Variants in ANKRD27 observed in about 807,000 individuals in gnomAD.
The protein encoded by ANKRD27 is ankyrin repeat domain 27.
ANKRD27 carries 112 observed loss-of-function variants against 129.7 expected under a neutral mutation model. The observed-to-expected ratio is 0.86, with a 90% CI of 0.74 to 1.01. The LOEUF (loss-of-function observed/expected upper bound fraction) is 1.01. Among genes scored for constraint, ANKRD27 ranks in the 50% least tolerant of loss-of-function variants. The pLI, the probability that ANKRD27 is intolerant of heterozygous loss-of-function variation, is 0.00. For missense variants in ANKRD27, 1,258 were observed against 1,300.5 expected (o/e 0.97, Z 0.50); for synonymous variants, 516 against 511.2 (o/e 1.01, Z -0.13).
chr19:32,623,265 G>A (rs1330178761), intron 17 of ANKRD27, among the ~76,000 whole-genome samples: 1 of 152,170 alleles, frequency 6.6e-6, no homozygotes, highest in Non-Finnish European at 1.5e-5. Flanking sequence ...ATGGGTGCCT[G>A]GATGTGGGGA....
intron 1 of ANKRD27, among the ~76,000 whole-genome samples, chr19:32,660,807 C>A (rs894993978): frequency 3.3e-5 from 5 of 152,072 alleles, no homozygotes; most frequent in African/African-American, 1.2e-4. Flanking sequence ...AAATTTCTTT[C>A]GGTTATGTAA....
chr19:32,597,671 T>C lies in ANKRD27; in HGVS notation c.*474A>G, dbSNP rs79358435. The C allele has an allele frequency of 7.4e-4, 120 of 161,720 alleles. No homozygotes were observed. Among genetic ancestry groups the C allele is most frequent in the South Asian group, 2.8e-3 (16 of 5,818 alleles). 10.0% of individuals were successfully genotyped at this position (161,720 alleles called of 1,614,324 possible). ...AGCTGCTGCTTTCTTCCTTCAGATA[T>C]GACATTTCAGCCTGGCCTCTACAGT... is the stretch of plus-strand genomic sequence containing the variant. On this transcript the variant is annotated 3_prime_UTR_variant, in exon 29 of 29. Coordinates refer to ENST00000306065, the MANE Select transcript of ANKRD27 (RefSeq NM_032139.3).
chr19:32,607,555 C>T, intron 23 of ANKRD27, 80 bp downstream of exon 23: 11 of 1,512,088 alleles, frequency 7.3e-6, no homozygotes, highest in East Asian at 2.4e-5. Flanking sequence ...CCACCAAACC[C>T]CTGCAGCGTT....
Position 32,674,394 on chromosome 19 carries a change from A to G in ANKRD27, c.-31+677T>C, listed in dbSNP as rs1184744435. ...CGTCCCTTGCTCCCTCGCCCAGCACAGGCCGCGAGTGCCCACGTCCCCTGC... is the reference window on the plus strand; with the variant it reads ...CGTCCCTTGCTCCCTCGCCCAGCACGGGCCGCGAGTGCCCACGTCCCCTGC... On this transcript the variant is annotated intron_variant, in intron 1 of 28. Transcript: ENST00000306065. Among the ~76,000 whole-genome samples the G allele has an allele frequency of 2.0e-5, 3 of 152,206 alleles. No homozygotes were observed. The South Asian group carries it at 6.2e-4, about 32-fold the overall frequency.
intron 3 of ANKRD27, among the ~76,000 whole-genome samples, chr19:32,647,661 C>T (rs1967329039): frequency 6.6e-6 from 1 of 152,228 alleles, no homozygotes; most frequent in Non-Finnish European, 1.5e-5. Flanking sequence ...AGACACACTG[C>T]TGTTTTCCTG....
At chr19:32,605,634 G>A (rs892650532) in intron 24 of ANKRD27, among the ~76,000 whole-genome samples, 1 of 152,198 alleles carries the variant, frequency 6.6e-6, no homozygotes, top group Admixed American at 6.5e-5. Flanking sequence ...CCTTGAGACC[G>A]CATCCCAGAT....
chr19:32,628,446 T>TTCCTCCCA (rs1966930158), intron 14 of ANKRD27, among the ~76,000 whole-genome samples: 1 of 152,142 alleles, frequency 6.6e-6, no homozygotes. Flanking sequence ...AAAACTGACA[T>TTCCTCCCA]TCCTCCCATC....
chr19:32,649,971 CTGT>C (rs974334557), intron 2 of ANKRD27, among the ~76,000 whole-genome samples, 179 bp from the exon 3 acceptor site: 28 of 152,106 alleles, frequency 1.8e-4, no homozygotes, highest in Non-Finnish European at 2.8e-4. Context: ...TCTGCTGCTG[CTGT>C]TGTTGTTGTT....
intron 17 of ANKRD27, among the ~76,000 whole-genome samples, chr19:32,623,589 G>A (rs991532039): frequency 5.4e-5 from 8 of 148,138 alleles, no homozygotes; most frequent in African/African-American, 1.5e-4. Flanking sequence ...TCGCTCTGTC[G>A]CCTAGGCTGG....
In ANKRD27 at chr19:32,619,391, G is replaced by A. The variant is rs1971973569; in HGVS notation, c.1888-12C>T. The A allele has an allele frequency of 6.2e-7, 1 of 1,613,538 alleles. No homozygotes were observed. The highest frequency in any genetic ancestry group is 1.7e-5 in the Admixed American group (1 of 60,004). On this transcript the variant is annotated splice_polypyrimidine_tract_variant and intron_variant, in intron 19 of 28. Coordinates refer to ENST00000306065, the MANE Select transcript of ANKRD27 (RefSeq NM_032139.3). ...GACTGCACAGGGGCCTGCAGCCAAG[G>A]AGCCCCAACGAGAGAGAGGACAGGA...
chr19:32,647,164 T>C (rs1014549754), intron 3 of ANKRD27, among the ~76,000 whole-genome samples: 3 of 152,150 alleles, frequency 2.0e-5, no homozygotes, highest in Non-Finnish European at 4.4e-5. Flanking sequence ...TTTCCTTTAT[T>C]TGGAACAGTG....
At chr19:32,631,557 T>C in intron 12 of ANKRD27, 63 bp from the exon 13 acceptor site, 1 of 1,350,210 alleles carries the variant, frequency 7.4e-7, no homozygotes, top group Non-Finnish European at 1.1e-6. Flanking sequence ...ACCCAGCACC[T>C]CAGCAACAAC....
intron 1 of ANKRD27, among the ~76,000 whole-genome samples, chr19:32,663,425 C>T (rs1306888186): frequency 6.6e-6 from 1 of 152,202 alleles, no homozygotes; most frequent in African/African-American, 2.4e-5. Context: ...ATTTCAAAGC[C>T]ATAAAGATAG....
At chr19:32,646,279 G>A (rs938619854) in intron 4 of ANKRD27, among the ~76,000 whole-genome samples, 180 bp downstream of exon 4, 5 of 151,520 alleles carry the variant, frequency 3.3e-5, no homozygotes, top group Non-Finnish European at 7.4e-5. Flanking sequence ...TATGTTTCCA[G>A]GCTAGTTTTG....
At chr19:32,600,122 G>A in intron 26 of ANKRD27, 72 bp from the exon 27 acceptor site, 1 of 1,130,298 alleles carries the variant, frequency 8.8e-7, no homozygotes, top group South Asian at 1.4e-5. Context: ...TTACAGCACA[G>A]ACACAATCTT....
chr19:32,616,593 G>A (rs1042411336), intron 21 of ANKRD27, among the ~76,000 whole-genome samples: 3 of 150,858 alleles, frequency 2.0e-5, no homozygotes, highest in African/African-American at 7.3e-5. Flanking sequence ...CCTTTCAAAG[G>A]GCCAAAGGCA....
intron 19 of ANKRD27, 31 bp from the exon 20 acceptor site, chr19:32,619,410 G>A (rs368486007): frequency 2.8e-5 from 45 of 1,613,702 alleles, no homozygotes; most frequent in Non-Finnish European, 3.5e-5. Flanking sequence ...CGAGAGAGAG[G>A]ACAGGACACA....
intron 12 of ANKRD27, among the ~76,000 whole-genome samples, chr19:32,635,127 A>G (rs187415266): frequency 6.6e-6 from 1 of 152,282 alleles, no homozygotes; most frequent in Admixed American, 6.5e-5. Flanking sequence ...CGCTACAGGG[A>G]GCAGCAAGGG....
chr19:32,665,249 T>C (rs1967728239), intron 1 of ANKRD27, among the ~76,000 whole-genome samples: 2 of 151,444 alleles, frequency 1.3e-5, no homozygotes, highest in African/African-American at 2.4e-5. Context: ...ACATGAAAAA[T>C]CCTATTAGGA....
Sources: gnomAD v4.1 joint callset for allele counts (sites outside exome capture counted in the v4.1 genomes callset) on GRCh38, gnomAD v4.1.1 for gene constraint, MANE v1.5 for transcripts, NCBI Gene and HGNC (gene_info 2026-07-23, HGNC 2026-07-21) for gene names.